Variants in FMN1 observed in about 807,000 individuals in gnomAD.
FMN1 encodes formin 1.
FMN1 carries 110 observed loss-of-function variants against 132.4 expected under a neutral mutation model. The observed-to-expected ratio is 0.83, with a 90% CI of 0.71 to 0.97. The LOEUF is 0.97. FMN1 is among the 50% of genes least tolerant of loss of function. FMN1 has a pLI of 0.00. For missense variants in FMN1, 1,792 were observed against 1,705.3 expected (o/e 1.05, Z -0.90); for synonymous variants, 722 against 651.7 (o/e 1.11, Z -1.64).
intron 6 of FMN1, among the ~76,000 whole-genome samples, chr15:33,037,586 A>G (rs1033705638): frequency 6.6e-6 from 1 of 152,128 alleles, no homozygotes; most frequent in Non-Finnish European, 1.5e-5. Context: ...AGTGAAAGAA[A>G]ATTTGCCATG....
At chr15:33,066,496 C>G (rs200909528) in intron 5 of FMN1, 2 of 1,489,260 alleles carry the variant, frequency 1.3e-6, no homozygotes, top group Non-Finnish European at 1.8e-6. Flanking sequence ...AAATGCAAAA[C>G]CCAATTCTAC....
chr15:32,971,542 C>A (rs1016391182), intron 7 of FMN1, among the ~76,000 whole-genome samples: 17 of 152,148 alleles, frequency 1.1e-4, no homozygotes. Context: ...CACTTCCACC[C>A]ACATCTTAGC....
At chr15:32,847,288 A>ATGTG (rs35960980) in intron 17 of FMN1, among the ~76,000 whole-genome samples, 2,046 of 112,234 alleles carry the variant, frequency 0.018, 29 homozygotes, top group Non-Finnish European at 0.029. Context: ...GTGTGTGTGT[A>ATGTG]TGTGTGTGTG....
chr15:32,799,187 A>G (rs1455403247), intron 18 of FMN1, among the ~76,000 whole-genome samples: 1 of 152,194 alleles, frequency 6.6e-6, no homozygotes, highest in African/African-American at 2.4e-5. Context: ...TCTTATCTGT[A>G]TAAAATCAGC....
At chr15:32,935,418 T>C (rs569378405) in intron 9 of FMN1, among the ~76,000 whole-genome samples, 16 of 152,310 alleles carry the variant, frequency 1.1e-4, no homozygotes, top group African/African-American at 3.4e-4. Flanking sequence ...TTTTGACAGT[T>C]TGATTATAAT....
At chr15:33,032,183 G>C (rs927994941) in intron 6 of FMN1, among the ~76,000 whole-genome samples, 1 of 152,168 alleles carries the variant, frequency 6.6e-6, no homozygotes, top group African/African-American at 2.4e-5. Context: ...TCATTAGTTA[G>C]GAAAGAGAAA....
intron 4 of FMN1, among the ~76,000 whole-genome samples, chr15:33,136,179 G>C (rs145932720): frequency 0.014 from 2,114 of 152,278 alleles, 32 homozygotes; most frequent in Non-Finnish European, 0.022. Context: ...GAGGACACAG[G>C]ATTTAACATC....
rs1396888683 is a variant in FMN1 at position 32,964,214 on chromosome 15, C to T, written c.3031G>A (p.Asp1011Asn). ...TCAAATTCACTGGGGTCCCGAATGT[C>T]AGGTTCTTCTAAGGAGTCCCATAAG... ...PTLWDSLEEP[D>N]IRDPSEFEYL... The change falls in exon 9 of 21, where the codon GAC becomes AAC. Residue 1011 changes from aspartate (D) to asparagine (N), a missense_variant. Asp to Asn is a conservative substitution (Grantham distance 23). This residue lies in a region of FMN1 where 1,150 missense variants were observed against 1,043.1 expected (regional missense o/e 1.10). Coordinates refer to ENST00000616417, the MANE Select transcript of FMN1 (RefSeq NM_001277313.2). 2 of 1,612,362 alleles carry T rather than the reference C, an allele frequency of 1.2e-6. No homozygotes were observed. The highest frequency in any genetic ancestry group is 1.7e-5 in the Admixed American group (1 of 59,990).
intron 9 of FMN1, among the ~76,000 whole-genome samples, chr15:32,950,034 CACATAT>C (rs1376261001): frequency 4.4e-4 from 2 of 4,538 alleles, no homozygotes; most frequent in African/African-American, 1.2e-3. Context: ...TATATATATA[CACATAT>C]ATATATATAT....
intron 17 of FMN1, chr15:32,810,903 T>C (rs1268906622): frequency 2.2e-6 from 1 of 453,606 alleles, no homozygotes; most frequent in African/African-American, 2.0e-5. Flanking sequence ...AGTTAAGAAG[T>C]TGTTTTTATT....
At chr15:32,848,986 T>TTTTG (rs1555472095) in intron 17 of FMN1, among the ~76,000 whole-genome samples, 12 of 126,472 alleles carry the variant, frequency 9.5e-5, no homozygotes, top group Admixed American at 8.3e-4. Context: ...TGTTTTTTTT[T>TTTTG]TTTTTTTTTT....
chr15:32,935,689 G>C (rs565197045), intron 9 of FMN1, among the ~76,000 whole-genome samples: 1 of 151,504 alleles, frequency 6.6e-6, no homozygotes, highest in South Asian at 2.1e-4. Flanking sequence ...GTGCAATGGC[G>C]TGATCTTGGC....
At chr15:32,947,106 C>T (rs962209242) in intron 9 of FMN1, among the ~76,000 whole-genome samples, 6 of 151,938 alleles carry the variant, frequency 3.9e-5, no homozygotes, top group Non-Finnish European at 7.4e-5. Context: ...ATGTCTTTTC[C>T]GTATAAGGCC....
At chr15:32,893,978 G>C (rs991564579) in intron 15 of FMN1, among the ~76,000 whole-genome samples, 1 of 152,144 alleles carries the variant, frequency 6.6e-6, no homozygotes, top group Non-Finnish European at 1.5e-5. Flanking sequence ...TGCCACACTA[G>C]TACCTGCTGT....
Position 32,911,405 on chromosome 15 carries a change from C to T in FMN1, c.3227-870G>A, listed in dbSNP as rs76363059. 8.4e-3 allele frequency among the ~76,000 whole-genome samples: 1,279 copies of T among 152,204 alleles called. 15 individuals carry two copies. The highest frequency in any genetic ancestry group is 0.029 in the African/African-American group (1,220 of 41,532). ...AACCAGCACGCTAGTAAATTTTCTC[C>T]GTGGCAGGCTAATTAATTTTATTAA... On this transcript the variant is annotated intron_variant, in intron 10 of 20. Transcript: ENST00000616417.
intron 17 of FMN1, among the ~76,000 whole-genome samples, chr15:32,853,426 G>A (rs2059054219): frequency 6.6e-6 from 1 of 152,126 alleles, no homozygotes. Flanking sequence ...TGTAGTACAT[G>A]TAATAATGGT....
chr15:33,051,125 G>A (rs575963591), intron 6 of FMN1, among the ~76,000 whole-genome samples: 1 of 152,266 alleles, frequency 6.6e-6, no homozygotes, highest in African/African-American at 2.4e-5. Context: ...ATAGAGTGAA[G>A]GATGATTTTT....
At chr15:32,899,399 G>A (rs2060240270) in intron 14 of FMN1, among the ~76,000 whole-genome samples, 1 of 152,186 alleles carries the variant, frequency 6.6e-6, no homozygotes, top group Non-Finnish European at 1.5e-5. Context: ...CCTGCTCACT[G>A]GGGCCTAATT....
chr15:32,837,634 A>C (rs569076022), intron 17 of FMN1, among the ~76,000 whole-genome samples: 3 of 152,160 alleles, frequency 2.0e-5, no homozygotes, highest in Admixed American at 6.5e-5. Flanking sequence ...TTAGGACCTA[A>C]AGCAAGAAGG....
Sources: allele counts gnomAD v4.1 joint callset (sites outside exome capture counted in the v4.1 genomes callset), GRCh38; gene constraint gnomAD v4.1.1; regional missense constraint gnomAD v4.1.1; transcripts MANE v1.5; gene names NCBI Gene and HGNC (gene_info 2026-07-23, HGNC 2026-07-21).